Variants in TMEM117 observed in about 807,000 individuals in gnomAD.
TMEM117 encodes transmembrane protein 117.
TMEM117 carries 27 observed loss-of-function variants against 52.4 expected under a neutral mutation model. The observed-to-expected ratio is 0.51, with a 90% CI of 0.38 to 0.71. The LOEUF (loss-of-function observed/expected upper bound fraction) is 0.71, where lower values mean the gene tolerates loss of function less well. Ranked by LOEUF, TMEM117 falls within the 30% of genes least tolerant of loss-of-function variation. The probability of loss-of-function intolerance (pLI) is 0.00; values close to 1 mark genes in which losing one functional copy is unlikely to be tolerated. For missense variants in TMEM117, 556 were observed against 630.5 expected, an observed-to-expected ratio of 0.88 and a Z score of 1.26; for synonymous variants, 215 against 206.3, an observed-to-expected ratio of 1.04 and a Z score of -0.36.
At chr12:44,395,729 A>AGCAGGCT in the TMEM117 span, among the ~76,000 whole-genome samples, 3 of 152,218 alleles carry the variant, frequency 2.0e-5, no homozygotes, top group African/African-American at 7.2e-5. Flanking sequence ...CAGCATATTC[A>AGCAGGCT]GCAGGCTGGT....
chr12:44,126,923 T>G (rs1427630632), intron 3 of TMEM117, among the ~76,000 whole-genome samples: 1 of 152,190 alleles, frequency 6.6e-6, no homozygotes, highest in African/African-American at 2.4e-5. Context: ...AAGAGAGCCA[T>G]GTAGTTCTGT....
the TMEM117 span, among the ~76,000 whole-genome samples, chr12:43,809,801 CT>C: frequency 6.6e-6 from 1 of 152,094 alleles, no homozygotes; most frequent in Non-Finnish European, 1.5e-5. Flanking sequence ...CATACCTTGA[CT>C]GAAATTAACT....
At chr12:44,124,426 C>T (rs1334301689) in intron 3 of TMEM117, among the ~76,000 whole-genome samples, 2 of 152,216 alleles carry the variant, frequency 1.3e-5, no homozygotes, top group Admixed American at 1.3e-4. Flanking sequence ...CTGGCCAGAA[C>T]ATTCAATACT....
intron 5 of TMEM117, among the ~76,000 whole-genome samples, chr12:44,277,343 A>C (rs1250697112): frequency 1.3e-5 from 2 of 152,272 alleles, no homozygotes; most frequent in East Asian, 3.9e-4. Context: ...TAGGATCCCA[A>C]GTATCCTAAA....
At chr12:43,960,063 C>T (rs1296780314) in intron 3 of TMEM117, among the ~76,000 whole-genome samples, 1 of 152,136 alleles carries the variant, frequency 6.6e-6, no homozygotes, top group Non-Finnish European at 1.5e-5. Flanking sequence ...TCATACAAGG[C>T]TGGATGCAAA....
At chr12:43,860,478 A>G (rs909754019) in intron 2 of TMEM117, among the ~76,000 whole-genome samples, 2 of 152,180 alleles carry the variant, frequency 1.3e-5, no homozygotes, top group African/African-American at 4.8e-5. Context: ...TGTGGTGAAT[A>G]ATAAAGCAGG....
intron 5 of TMEM117, among the ~76,000 whole-genome samples, chr12:44,269,096 A>G (rs1198784212): frequency 1.3e-5 from 2 of 152,076 alleles, no homozygotes; most frequent in Non-Finnish European, 2.9e-5. Context: ...TTATTTTTAT[A>G]CCTGTATCTG....
intron 3 of TMEM117, among the ~76,000 whole-genome samples, chr12:44,081,275 T>G (rs1290360995): frequency 2.0e-5 from 3 of 152,206 alleles, no homozygotes; most frequent in African/African-American, 7.2e-5. Context: ...TTAGTAATAT[T>G]TGTCATGTCT....
chr12:44,017,431 A>C (rs969226571), intron 3 of TMEM117, among the ~76,000 whole-genome samples: 1 of 151,492 alleles, frequency 6.6e-6, no homozygotes, highest in Non-Finnish European at 1.5e-5. Flanking sequence ...TGTGGAAAGA[A>C]ATCTTATATG....
At chr12:43,802,599 TGTG>T in the TMEM117 span, 363 of 667,404 alleles carry the variant, frequency 5.4e-4, 1 homozygote, top group Middle Eastern at 2.1e-3. Context: ...AAAAGAAAAA[TGTG>T]GTAACATAGA....
intron 3 of TMEM117, among the ~76,000 whole-genome samples, chr12:44,124,713 T>C (rs891806167): frequency 2.0e-5 from 3 of 152,228 alleles, no homozygotes; most frequent in Admixed American, 2.0e-4. Context: ...ATTTATTGAT[T>C]TGCATATGTT....
At position 44,184,167 on chromosome 12, in the gene TMEM117, G is replaced by A. The variant is rs141358918; in HGVS notation, c.511-27123G>A. Among the ~76,000 whole-genome samples, 94 of 152,148 alleles carry A rather than the reference G, an allele frequency of 6.2e-4. No individual in the cohort carries two copies. In the East Asian group the frequency reaches 0.016, roughly 26 times the overall value. ...TTGAGAACAGCCTGGCTAACATGGC[G>A]AAATCCCGTCTCTACTAAAAATACA... On this transcript the variant is annotated intron_variant, in intron 4 of 7. Coordinates refer to ENST00000266534, the MANE Select transcript of TMEM117 (RefSeq NM_032256.3).
intron 3 of TMEM117, among the ~76,000 whole-genome samples, chr12:44,014,177 T>C (rs1242607754): frequency 6.6e-6 from 1 of 152,138 alleles, no homozygotes; most frequent in African/African-American, 2.4e-5. Flanking sequence ...TCTAGGTAGA[T>C]AGGCCATTGC....
the TMEM117 span, among the ~76,000 whole-genome samples, chr12:43,801,900 C>T: frequency 6.3e-3 from 956 of 152,224 alleles, 22 homozygotes; most frequent in East Asian, 0.074. Context: ...CGTGGTGGCA[C>T]ATGCCTGTAA....
At chr12:44,287,862 C>G (rs1173855538) in intron 5 of TMEM117, among the ~76,000 whole-genome samples, 1 of 152,152 alleles carries the variant, frequency 6.6e-6, no homozygotes, top group Non-Finnish European at 1.5e-5. Context: ...AGTTTCAGCA[C>G]TTTTAAACTG....
chr12:44,202,162 G>C (rs12308569), intron 4 of TMEM117, among the ~76,000 whole-genome samples: 36,804 of 151,860 alleles, frequency 0.24, 7,880 homozygotes, highest in African/African-American at 0.58. Context: ...ATAAAATTTT[G>C]TTGTTTATGC....
intron 2 of TMEM117, among the ~76,000 whole-genome samples, chr12:43,907,314 A>G (rs940141511): frequency 2.6e-5 from 4 of 151,350 alleles, no homozygotes; most frequent in African/African-American, 4.8e-5. Context: ...ACTAACAAAC[A>G]GAAAGGACAT....
chr12:43,954,387 A>G (rs938260825), intron 3 of TMEM117, among the ~76,000 whole-genome samples: 1 of 152,188 alleles, frequency 6.6e-6, no homozygotes, highest in East Asian at 1.9e-4. Context: ...AAAAAAATCA[A>G]TAAAGTAGAT....
intron 6 of TMEM117, among the ~76,000 whole-genome samples, chr12:44,364,458 A>C (rs1329273646): frequency 6.6e-6 from 1 of 152,140 alleles, no homozygotes; most frequent in African/African-American, 2.4e-5. Flanking sequence ...CAGAGATATT[A>C]TATGAAGCTT....
Sources: gnomAD v4.1 joint callset for allele counts (sites outside exome capture counted in the v4.1 genomes callset) on GRCh38, gnomAD v4.1.1 for gene constraint, MANE v1.5 for transcripts, NCBI Gene and HGNC (gene_info 2026-07-23, HGNC 2026-07-21) for gene names.